Variants in FAM91A1 observed in about 807,000 individuals in gnomAD.
The protein encoded by FAM91A1 is protein FAM91A1.
Under a neutral mutation model 113.5 loss-of-function variants are expected in FAM91A1, and 41 were observed. That is an observed-to-expected ratio of 0.36 (90% CI 0.28 to 0.47). The LOEUF is 0.47. Ranked by LOEUF, FAM91A1 falls within the 20% of genes least tolerant of loss-of-function variation. The pLI, the probability that FAM91A1 is intolerant of heterozygous loss-of-function variation, is 1.00. For missense variants in FAM91A1, 696 were observed against 1,001.2 expected (o/e 0.70, Z 4.11); for synonymous variants, 307 against 347.9 (o/e 0.88, Z 1.31).
At chr8:123,809,150 C>A in intron 22 of FAM91A1, 134 bp downstream of exon 22, 2 of 1,267,344 alleles carry the variant, frequency 1.6e-6, no homozygotes, top group South Asian at 2.3e-5. Context: ...GAATAGAGAT[C>A]GCTAGTTTAA....
Position 123,813,730 on chromosome 8 carries a change from A to G in FAM91A1, c.*1026A>G, listed in dbSNP as rs1251075439. 6.6e-6 allele frequency: 1 copy of G among 152,376 alleles called. No individual in the cohort carries two copies. The highest frequency in any genetic ancestry group is 1.5e-5 in the Non-Finnish European group (1 of 68,034). The allele number at this position is 152,376 out of a possible 1,614,324, so 9.4% of individuals were successfully genotyped here. ...CTTCAAAGTGTTTCTTGAGTCATTG[A>G]TTCTTTTAGCATCTCAAATGTTAAT... On this transcript the variant is annotated 3_prime_UTR_variant, in exon 24 of 24. Transcript: ENST00000334705.
At chr8:123,771,026 G>A (rs1435538691) in intron 1 of FAM91A1, among the ~76,000 whole-genome samples, 1 of 152,134 alleles carries the variant, frequency 6.6e-6, no homozygotes, top group African/African-American at 2.4e-5. Context: ...CTGGGGGTGA[G>A]GCTTCTGAAA....
chr8:123,799,067 G>A (rs973852564), intron 16 of FAM91A1, among the ~76,000 whole-genome samples: 2 of 152,304 alleles, frequency 1.3e-5, no homozygotes, highest in East Asian at 1.9e-4. Context: ...AAGGGTGGGC[G>A]ATTCCTCTTG....
chr8:123,789,641 A>C lies in FAM91A1; in HGVS notation c.1307A>C (p.Gln436Pro), dbSNP rs1467012436. ...CAGAGCACTGGTGAAGGAGAAGCAC[A>C]GAGATATTTTGATCATGCACTTACT... ...KVQSTGEGEA[Q>P]RYFDHALTLR... The change falls in exon 15 of 24, where the codon CAG (glutamine) becomes CCG (proline). Residue 436 changes from glutamine (Q) to proline (P), a missense_variant. Gln to Pro is a moderately conservative substitution (Grantham distance 76). Coordinates refer to ENST00000334705, the MANE Select transcript of FAM91A1 (RefSeq NM_144963.4). The C allele has an allele frequency of 6.2e-7, 1 of 1,611,986 alleles. No individual in the cohort carries two copies. Among genetic ancestry groups the C allele is most frequent in the South Asian group, 1.1e-5 (1 of 90,968 alleles).
intron 5 of FAM91A1, 50 bp downstream of exon 5, chr8:123,778,142 A>G (rs767107631): frequency 1.4e-6 from 2 of 1,414,416 alleles, no homozygotes; most frequent in Admixed American, 1.9e-5. Context: ...ACACAGTTTG[A>G]TTAGTTTTTT....
At chr8:123,783,332 C>T (rs920934104) in intron 8 of FAM91A1, among the ~76,000 whole-genome samples, 1 of 149,922 alleles carries the variant, frequency 6.7e-6, no homozygotes, top group African/African-American at 2.5e-5. Flanking sequence ...TTATTATTTA[C>T]ATAGCTGATA....
intron 1 of FAM91A1, among the ~76,000 whole-genome samples, chr8:123,770,636 G>A (rs1814816543): frequency 1.3e-5 from 2 of 152,144 alleles, no homozygotes; most frequent in Non-Finnish European, 2.9e-5. Context: ...CAGAATAAAT[G>A]TAGCATACTG....
chr8:123,798,572 G>A (rs1332520888), intron 16 of FAM91A1, among the ~76,000 whole-genome samples: 2 of 152,184 alleles, frequency 1.3e-5, no homozygotes, highest in African/African-American at 4.8e-5. Context: ...TCTTCGAAGT[G>A]GGGCTGTGAT....
chr8:123,777,565 T>A (rs1048519549), intron 4 of FAM91A1, among the ~76,000 whole-genome samples: 1 of 152,212 alleles, frequency 6.6e-6, no homozygotes, highest in Non-Finnish European at 1.5e-5. Context: ...AATCTATATA[T>A]TTCCAGAGAA....
At chr8:123,785,878 C>T (rs964614220) in intron 11 of FAM91A1, 137 bp downstream of exon 11, 25 of 550,348 alleles carry the variant, frequency 4.5e-5, no homozygotes, top group South Asian at 7.2e-5. Context: ...AGTGCGGTGG[C>T]GCGATCTCGG....
chr8:123,784,348 A>T, intron 8 of FAM91A1, 122 bp from the exon 9 acceptor site: 1 of 639,142 alleles, frequency 1.6e-6, no homozygotes, highest in Non-Finnish European at 2.5e-6. Context: ...GTGGATAAAT[A>T]AATCAAAAGC....
intron 15 of FAM91A1, among the ~76,000 whole-genome samples, chr8:123,792,083 G>A (rs991958371): frequency 2.0e-5 from 3 of 152,144 alleles, no homozygotes; most frequent in Non-Finnish European, 2.9e-5. Flanking sequence ...GCTGAGGCAG[G>A]AGAATTGCTT....
rs760805827 is a variant in FAM91A1 at position 123,808,995 on chromosome 8, A to G, written c.2240A>G (p.His747Arg). 2.5e-6 allele frequency: 4 copies of G among 1,612,718 alleles called. No individual in the cohort carries two copies. Among genetic ancestry groups the G allele is most frequent in the East Asian group, 2.2e-5 (1 of 44,860 alleles). Residue 747 changes from histidine to arginine, a missense_variant, in exon 22 of 24, where the codon CAT (histidine) becomes CGT (arginine). His to Arg is a conservative substitution (Grantham distance 29, BLOSUM62 0). Transcript: ENST00000334705. ...AAAGTTTGTAGGAAAATTGCTGCAC[A>G]TGGCCTTTGCAGAAAAGAGAGGTGA... ...NRKVCRKIAA[H>R]GLCRKESLQN... is the part of the protein sequence containing the mutation.
rs1814918236 is a variant in FAM91A1, at chr8:123,773,939, G to C, written c.73-141G>C. The C allele has an allele frequency of 9.5e-6, 6 of 630,022 alleles. No individual in the cohort carries two copies. The East Asian group carries it at 1.9e-4, about 20-fold the overall frequency. The allele number at this position is 630,022 out of a possible 1,614,324, so 39.0% of individuals were successfully genotyped here. ...GGAAAGTTAGTATAATAACATTTAAGAAAATATTTTTTATTTAATTCTGCA... is the reference window on the plus strand; with the variant it reads ...GGAAAGTTAGTATAATAACATTTAACAAAATATTTTTTATTTAATTCTGCA... On this transcript the variant is annotated intron_variant, in intron 1 of 23. Transcript: ENST00000334705.
In FAM91A1 at chr8:123,799,943, G is replaced by C; in HGVS notation, c.1809+58G>C. 2.2e-6 allele frequency: 3 copies of C among 1,352,740 alleles called. No individual in the cohort carries two copies. The South Asian group carries it at 4.1e-5, about 18-fold the overall frequency. The allele number at this position is 1,352,740 out of a possible 1,614,324, so 83.8% of individuals were successfully genotyped here. A position where few individuals can be genotyped will look rare whatever the true frequency, so the allele number is the denominator to read the frequency against. ...TATTATAAAGTTGATAATTTTTCTA[G>C]CTTTCTATATTGAGTTGCAATAAAA... On this transcript the variant is annotated intron_variant, in intron 18 of 23. Coordinates refer to ENST00000334705, the MANE Select transcript of FAM91A1 (RefSeq NM_144963.4).
intron 23 of FAM91A1, among the ~76,000 whole-genome samples, chr8:123,811,777 T>TG (rs1461212485): frequency 1.3e-5 from 2 of 152,074 alleles, no homozygotes; most frequent in African/African-American, 2.4e-5. Flanking sequence ...CATGGAGTCC[T>TG]GGGGGGAGGT....
chr8:123,784,646 T>C, intron 9 of FAM91A1, 70 bp downstream of exon 9: 1 of 1,087,478 alleles, frequency 9.2e-7, no homozygotes, highest in Non-Finnish European at 1.3e-6. Context: ...AGTAAAGTTA[T>C]TTAATATGGT....
At chr8:123,778,847 ATTTT>A in intron 6 of FAM91A1, 75 bp downstream of exon 6, 1 of 998,966 alleles carries the variant, frequency 1.0e-6, no homozygotes, top group Non-Finnish European at 1.4e-6. Context: ...ATAGCTTATA[ATTTT>A]TTAAAAAGTA....
In FAM91A1 at chr8:123,805,144, A is replaced by G. The variant is rs143020070; in HGVS notation, c.1810-123A>G. 6.7e-4 allele frequency: 467 copies of G among 702,034 alleles called. 2 individuals carry two copies. The African/African-American group carries it at 7.7e-3, about 12-fold the overall frequency. 43.5% of individuals were successfully genotyped at this position (702,034 alleles called of 1,614,324 possible). Reference sequence around the variant, plus strand: ...TGAAGAAAAATAGAAAATTGTTGAAAGAATTTTGATGAGGTATTAATATGG... The same window carrying G: ...TGAAGAAAAATAGAAAATTGTTGAAGGAATTTTGATGAGGTATTAATATGG... On this transcript the variant is annotated intron_variant, in intron 18 of 23. Transcript: ENST00000334705.
Sources: allele counts gnomAD v4.1 joint callset (sites outside exome capture counted in the v4.1 genomes callset), GRCh38; gene constraint gnomAD v4.1.1; transcripts MANE v1.5; gene names NCBI Gene and HGNC (gene_info 2026-07-23, HGNC 2026-07-21).